The following ASXL3 variants were observed in gnomAD, a reference collection of about 807,000 sequenced individuals.
ASXL3 encodes the protein putative Polycomb group protein ASXL3.
In ASXL3, 34 loss-of-function variants were observed where a neutral mutation model predicts 170.6. The observed-to-expected ratio is 0.20, with a 90% CI of 0.15 to 0.27. The LOEUF (loss-of-function observed/expected upper bound fraction) is 0.27, where lower values mean the gene tolerates loss of function less well. Among genes scored for constraint, ASXL3 ranks in the 10% least tolerant of loss-of-function variants. The probability of loss-of-function intolerance (pLI) is 1.00; values close to 1 mark genes in which losing one functional copy is unlikely to be tolerated. For missense variants in ASXL3, 2,592 were observed against 2,695.3 expected (o/e 0.96, Z 0.85); for synonymous variants, 1,002 against 989.1 (o/e 1.01, Z -0.24).
At chr18:33,693,254 T>A (rs1042279263) in intron 8 of ASXL3, among the ~76,000 whole-genome samples, 4 of 152,118 alleles carry the variant, frequency 2.6e-5, no homozygotes, top group Admixed American at 1.3e-4. Flanking sequence ...GATTGGTAAG[T>A]TTTTAAAGCT....
At chr18:33,733,620 G>A (rs999165366) in intron 9 of ASXL3, among the ~76,000 whole-genome samples, 5 of 152,254 alleles carry the variant, frequency 3.3e-5, no homozygotes, top group African/African-American at 9.6e-5. Context: ...CACACTGAAT[G>A]CCACCAGAAC....
chr18:33,742,755 G>A, intron 11 of ASXL3, 133 bp from the exon 12 acceptor site: 1 of 1,294,256 alleles, frequency 7.7e-7, no homozygotes, highest in Non-Finnish European at 1.0e-6. Flanking sequence ...GTGCATCCAG[G>A]GATTTAGGTG....
At chr18:33,693,614 A>G (rs1053739331) in intron 8 of ASXL3, among the ~76,000 whole-genome samples, 2 of 152,306 alleles carry the variant, frequency 1.3e-5, no homozygotes, top group East Asian at 3.9e-4. Flanking sequence ...GTGTATTTTC[A>G]GAGATTCATC....
rs1457030007 is a variant in ASXL3 at position 33,744,010 on chromosome 18, G to C, written c.4162G>C (p.Gly1388Arg). 9.9e-6 allele frequency: 16 copies of C among 1,613,866 alleles called. No homozygotes were observed. Among genetic ancestry groups the C allele is most frequent in the Non-Finnish European group, 1.4e-5 (16 of 1,179,910 alleles). The change falls in exon 12 of 12, where the codon GGT (glycine) becomes CGT (arginine). Residue 1388 changes from glycine to arginine, a missense_variant. Physicochemically the swap from Gly to Arg is moderately radical, Grantham distance 125. Coordinates refer to ENST00000269197, the MANE Select transcript of ASXL3 (RefSeq NM_030632.3). Reference sequence around the variant, plus strand: ...TGAAGAACAGGCCACTGTATCCATGGGTACCACTGTGAGAGCAGCCCTCAG... The same window carrying C: ...TGAAGAACAGGCCACTGTATCCATGCGTACCACTGTGAGAGCAGCCCTCAG... Reference protein sequence around the residue: ...GSEEQATVSMGTTVRAALSCS... With the variant: ...GSEEQATVSMRTTVRAALSCS...
At chr18:33,628,470 A>G (rs2065632034) in intron 2 of ASXL3, among the ~76,000 whole-genome samples, 1 of 152,186 alleles carries the variant, frequency 6.6e-6, no homozygotes, top group African/African-American at 2.4e-5. Context: ...ACTTAGTTTG[A>G]AAAGCCAAGT....
intron 4 of ASXL3, among the ~76,000 whole-genome samples, chr18:33,655,302 A>G (rs915621883): frequency 6.6e-6 from 1 of 152,028 alleles, no homozygotes; most frequent in Non-Finnish European, 1.5e-5. Flanking sequence ...CTAATGAAGC[A>G]GGTTATAAAA....
chr18:33,646,892 G>GA (rs869149193), intron 4 of ASXL3, among the ~76,000 whole-genome samples: 1,991 of 129,588 alleles, frequency 0.015, 50 homozygotes, highest in East Asian at 0.06. Flanking sequence ...GGGGGGGGGG[G>GA]CATTTTTCAC....
At chr18:33,732,174 T>C (rs1599554826) in intron 9 of ASXL3, 110 bp downstream of exon 9, 1 of 736,588 alleles carries the variant, frequency 1.4e-6, no homozygotes, top group East Asian at 2.9e-5. Context: ...TACACTTTAA[T>C]TTAGTAAAAA....
intron 8 of ASXL3, among the ~76,000 whole-genome samples, chr18:33,713,240 TTTG>T (rs1395416438): frequency 4.6e-5 from 3 of 65,268 alleles, no homozygotes; most frequent in South Asian, 4.6e-4. Context: ...TTTTTTTTGT[TTTG>T]TTTTGTTTTT....
At chr18:33,705,430 T>G (rs1008341109) in intron 8 of ASXL3, among the ~76,000 whole-genome samples, 6 of 151,828 alleles carry the variant, frequency 4.0e-5, no homozygotes, top group African/African-American at 1.4e-4. Flanking sequence ...TTTACTAAAT[T>G]TTAAAGCATG....
At chr18:33,736,635 G>A (rs1213672124) in intron 10 of ASXL3, among the ~76,000 whole-genome samples, 1 of 152,010 alleles carries the variant, frequency 6.6e-6, no homozygotes, top group Non-Finnish European at 1.5e-5. Context: ...AATTTTTTTA[G>A]ATATTTATTA....
At chr18:33,658,537 G>A (rs916940904) in intron 4 of ASXL3, among the ~76,000 whole-genome samples, 3 of 152,124 alleles carry the variant, frequency 2.0e-5, no homozygotes, top group African/African-American at 7.2e-5. Context: ...GCCTATGGGT[G>A]AATTGCAAAT....
chr18:33,697,804 G>A (rs945707983), intron 8 of ASXL3, among the ~76,000 whole-genome samples: 2 of 151,360 alleles, frequency 1.3e-5, no homozygotes, highest in African/African-American at 4.9e-5. Flanking sequence ...CATAGTTTGA[G>A]ACCAGCCTGG....
chr18:33,589,336 T>C (rs1440182899), intron 1 of ASXL3, among the ~76,000 whole-genome samples: 2 of 152,238 alleles, frequency 1.3e-5, no homozygotes, highest in African/African-American at 4.8e-5. Flanking sequence ...TTCCATCTTA[T>C]GAAGTTCCTG....
At chr18:33,699,540 C>G (rs749968702) in intron 8 of ASXL3, among the ~76,000 whole-genome samples, 1 of 151,984 alleles carries the variant, frequency 6.6e-6, no homozygotes, top group African/African-American at 2.4e-5. Flanking sequence ...TGCATTTCAC[C>G]GATGTGGTTC....
intron 1 of ASXL3, 92 bp from the exon 2 acceptor site, chr18:33,607,502 T>C: frequency 2.9e-6 from 3 of 1,043,134 alleles, no homozygotes; most frequent in Non-Finnish European, 4.3e-6. Flanking sequence ...CCTTCCCCTC[T>C]AATAAAATAA....
chr18:33,619,822 T>C (rs1239103254), intron 2 of ASXL3, among the ~76,000 whole-genome samples: 1 of 152,066 alleles, frequency 6.6e-6, no homozygotes, highest in Non-Finnish European at 1.5e-5. Context: ...GTGGAAACAA[T>C]TGCATGGAAA....
chr18:33,741,582 A>G (rs935716941), intron 11 of ASXL3, among the ~76,000 whole-genome samples: 1 of 152,200 alleles, frequency 6.6e-6, no homozygotes. Flanking sequence ...CCTCAAAACT[A>G]TCTTTTCTTT....
intron 7 of ASXL3, among the ~76,000 whole-genome samples, chr18:33,682,426 T>C (rs1322109195): frequency 3.3e-5 from 5 of 152,236 alleles, no homozygotes; most frequent in African/African-American, 1.2e-4. Flanking sequence ...TGTTATTTTC[T>C]TGGGTCTCAT....
Sources: allele counts gnomAD v4.1 joint callset (sites outside exome capture counted in the v4.1 genomes callset), GRCh38; gene constraint gnomAD v4.1.1; transcripts MANE v1.5; gene names NCBI Gene and HGNC (gene_info 2026-07-23, HGNC 2026-07-21).